Variants in ARID1A observed in about 807,000 individuals in gnomAD.
ARID1A encodes the protein AT-rich interactive domain-containing protein 1A.
In ARID1A, 20 loss-of-function variants were observed where a neutral mutation model predicts 212.6. The observed-to-expected ratio is 0.09, with a 90% CI of 0.07 to 0.14. ARID1A has a LOEUF of 0.14. ARID1A is among the 10% of genes least tolerant of loss of function. ARID1A has a pLI of 1.00. For synonymous variants in ARID1A, 1,376 were observed against 1,222.1 expected, an observed-to-expected ratio of 1.13 and a Z score of -2.63; for missense variants, 2,587 against 3,059.0, an observed-to-expected ratio of 0.85 and a Z score of 3.64.
At chr1:26,697,630 C>G (rs1359072659) in intron 1 of ARID1A, 90 bp downstream of exon 1, 12 of 1,193,658 alleles carry the variant, frequency 1.0e-5, no homozygotes, top group Non-Finnish European at 1.3e-5. Flanking sequence ...CTTGGGCTCC[C>G]CTCAGTCCCG....
At position 26,697,155 on chromosome 1, in the gene ARID1A, C is replaced by T. The variant is rs1210135390; in HGVS notation, c.752C>T (p.Pro251Leu). ...GCGGCGGCGGCTGCCGGCTCCAAGC[C>T]GCCTCCCTCCTCCAGCGCCTCCGCC... ...SGAAAAAGSK[P>L]PPSSSASASS... Residue 251 changes from proline to leucine, a missense_variant, in exon 1 of 20, where the codon CCG becomes CTG. Pro to Leu is a moderately conservative substitution (Grantham distance 98). Transcript: ENST00000324856. 4 of 1,441,730 alleles carry T rather than the reference C, an allele frequency of 2.8e-6. No homozygotes were observed. The highest frequency in any genetic ancestry group is 1.5e-5 in the South Asian group (1 of 68,590). The allele number at this position is 1,441,730 out of a possible 1,614,324, so 89.3% of individuals were successfully genotyped here.
At chr1:26,737,828 A>G (rs1015931431) in intron 4 of ARID1A, among the ~76,000 whole-genome samples, 3 of 151,408 alleles carry the variant, frequency 2.0e-5, no homozygotes, top group African/African-American at 7.3e-5. Context: ...TGGTGCCATT[A>G]CACTCCAGCC....
At chr1:26,768,200 G>A (rs571090845) in intron 11 of ARID1A, among the ~76,000 whole-genome samples, 1 of 152,274 alleles carries the variant, frequency 6.6e-6, no homozygotes, top group East Asian at 1.9e-4. Flanking sequence ...GTAGTATGAG[G>A]TATTAGCAGT....
rs528219789 is a variant in ARID1A, at chr1:26,696,620, C to T, written c.217C>T (p.Leu73=). The change falls in exon 1 of 20, where the codon CTG becomes TTG. Residue 73 remains leucine (L), a synonymous_variant. Transcript: ENST00000324856. ...VGPPQPLGKE[L]QDGAESNGGG... ...GCCGCCGCAGCCGCTGGGAAAGGAG[C>T]TGCAGGACGGGGCCGAGAGCAATGG... The T allele has an allele frequency of 4.0e-6, 5 of 1,259,710 alleles. No individual in the cohort carries two copies. In the South Asian group the frequency reaches 9.5e-5, roughly 24 times the overall value. 78.0% of individuals were successfully genotyped at this position (1,259,710 alleles called of 1,614,324 possible). A position where few individuals can be genotyped will look rare whatever the true frequency, so the allele number is the denominator to read the frequency against.
chr1:26,744,745 C>T (rs764031740), intron 4 of ARID1A, among the ~76,000 whole-genome samples: 4 of 152,138 alleles, frequency 2.6e-5, no homozygotes, highest in Non-Finnish European at 4.4e-5. Flanking sequence ...CCATCCTCAG[C>T]AGAATAACAG....
chr1:26,744,383 G>A lies in ARID1A; in HGVS notation c.1920+11591G>A, dbSNP rs563108397. Among the ~76,000 whole-genome samples, 37 of 152,208 alleles carry A rather than the reference G, an allele frequency of 2.4e-4. 1 individual carries two copies. In the South Asian group the frequency reaches 5.8e-3, roughly 24 times the overall value. On this transcript the variant is annotated intron_variant, in intron 4 of 19. Transcript: ENST00000324856. The stretch of plus-strand genomic sequence containing the variant: ...CTTGCTGGAACCTTTTGTTTCCTTC[G>A]GAACAGCCTCAATCTTTGAAAAGCA...
At position 26,731,257 on chromosome 1, in the gene ARID1A, T is replaced by G. The variant is rs1461477042; in HGVS notation, c.1456T>G (p.Ser486Ala). The G allele has an allele frequency of 6.2e-7, 1 of 1,613,336 alleles. No individual in the cohort carries two copies. Among genetic ancestry groups the G allele is most frequent in the Non-Finnish European group, 8.5e-7 (1 of 1,179,862 alleles). ...PHPQQQQPPY[S>A]QQPPSQTPHA... ...CCCTCAGCAGCAGCAGCCACCCTACTCCCAGCAACCACCGTCCCAGACCCC... is the reference window on the plus strand; with the variant it reads ...CCCTCAGCAGCAGCAGCCACCCTACGCCCAGCAACCACCGTCCCAGACCCC... Residue 486 changes from serine to alanine, a missense_variant, in exon 3 of 20, where the codon TCC becomes GCC. By Grantham distance (99) the Ser-to-Ala change is moderately conservative. Around this residue, in one of 11 missense-constraint regions of ARID1A, gnomAD observed 674 missense variants for 813.4 expected, o/e 0.83. Coordinates refer to ENST00000324856, the MANE Select transcript of ARID1A (RefSeq NM_006015.6).
chr1:26,754,188 CA>C (rs1227497242), intron 4 of ARID1A, among the ~76,000 whole-genome samples: 3 of 152,178 alleles, frequency 2.0e-5, no homozygotes, highest in Non-Finnish European at 4.4e-5. Context: ...AACAATCAGA[CA>C]TCTGGCTTTT....
chr1:26,726,433 C>G (rs984680232), intron 1 of ARID1A, among the ~76,000 whole-genome samples: 1 of 152,080 alleles, frequency 6.6e-6, no homozygotes, highest in Non-Finnish European at 1.5e-5. Context: ...CCTTGGCCTC[C>G]CAAAGTGCTG....
chr1:26,696,566 G>C lies in ARID1A; in HGVS notation c.163G>C (p.Gly55Arg). ...GCGCGGGGAAATGAAGGCAGCCGCC[G>C]GGCAGGAAAGCGAGGGCCCCGCCGT... is the stretch of plus-strand genomic sequence containing the variant. The part of the protein sequence containing the change: ...AERGEMKAAA[G>R]QESEGPAVGP... Residue 55 changes from glycine to arginine, a missense_variant, in exon 1 of 20, where the codon GGG (glycine) becomes CGG (arginine). By Grantham distance (125) the Gly-to-Arg change is moderately radical. This residue lies in a region of ARID1A where 735 missense variants were observed against 590.6 expected (regional missense o/e 1.24). Transcript: ENST00000324856. 1 of 1,228,334 alleles carries C rather than the reference G, an allele frequency of 8.1e-7. No individual in the cohort carries two copies. Among genetic ancestry groups the C allele is most frequent in the Non-Finnish European group, 1.0e-6 (1 of 988,354 alleles). 76.1% of individuals were successfully genotyped at this position (1,228,334 alleles called of 1,614,324 possible).
intron 1 of ARID1A, among the ~76,000 whole-genome samples, chr1:26,722,492 G>T (rs35041418): frequency 6.6e-6 from 1 of 152,158 alleles, no homozygotes; most frequent in Non-Finnish European, 1.5e-5. Context: ...GCGATCTGCC[G>T]CCTTGGCCAC....
intron 4 of ARID1A, among the ~76,000 whole-genome samples, chr1:26,738,196 G>C (rs757239366): frequency 2.3e-4 from 35 of 152,000 alleles, no homozygotes; most frequent in Non-Finnish European, 5.0e-4. Flanking sequence ...GCTAATTTTT[G>C]TATTTTTAAT....
chr1:26,756,887 AAAGACGGGG>A (rs1319816741), intron 4 of ARID1A, among the ~76,000 whole-genome samples: 2 of 151,824 alleles, frequency 1.3e-5, no homozygotes, highest in Non-Finnish European at 2.9e-5. Flanking sequence ...TATTTTTAGT[AAAGACGGGG>A]TTTCACCGTG....
chr1:26,746,268 T>C (rs965707951), intron 4 of ARID1A, among the ~76,000 whole-genome samples: 1 of 152,240 alleles, frequency 6.6e-6, no homozygotes, highest in African/African-American at 2.4e-5. Flanking sequence ...AAAACTAGAA[T>C]GTCCTGATAT....
rs2124741089 is a variant in ARID1A at position 26,696,676 on chromosome 1, C to T, written c.273C>T (p.Gly91=). The T allele has an allele frequency of 2.3e-6, 3 of 1,323,708 alleles. No individual in the cohort carries two copies. Among genetic ancestry groups the T allele is most frequent in the Non-Finnish European group, 2.9e-6 (3 of 1,039,006 alleles). The allele number at this position is 1,323,708 out of a possible 1,614,324, so 82.0% of individuals were successfully genotyped here. A position where few individuals can be genotyped will look rare whatever the true frequency, so the allele number is the denominator to read the frequency against. ...GCGGCGGCGGCGGAGCCGGCAGCGG[C>T]GGCGGGCCCGGCGCGGAGCCGGACC... ...GGGGGGGAGS[G]GGPGAEPDLK... is the part of the protein sequence containing the mutation. The change falls in exon 1 of 20, where the codon GGC becomes GGT. Residue 91 remains glycine (G), a synonymous_variant. Transcript: ENST00000324856.
intron 10 of ARID1A, among the ~76,000 whole-genome samples, chr1:26,767,389 G>T (rs2081048663): frequency 6.6e-6 from 1 of 152,200 alleles, no homozygotes; most frequent in African/African-American, 2.4e-5. Flanking sequence ...GTATGTTCAG[G>T]CTCCTGGGTA....
At chr1:26,699,706 C>T (rs747659129) in intron 1 of ARID1A, among the ~76,000 whole-genome samples, 2 of 152,248 alleles carry the variant, frequency 1.3e-5, no homozygotes, top group Admixed American at 6.5e-5. Context: ...CTCTCATTCC[C>T]CTTGTTTTGT....
intron 1 of ARID1A, among the ~76,000 whole-genome samples, chr1:26,714,667 T>G (rs1169649275): frequency 6.6e-6 from 1 of 152,028 alleles, no homozygotes; most frequent in Non-Finnish European, 1.5e-5. Flanking sequence ...CACCTGCCTC[T>G]GCCTCCCAAA....
At chr1:26,763,504 G>A (rs956481722) in intron 8 of ARID1A, among the ~76,000 whole-genome samples, 8 of 152,202 alleles carry the variant, frequency 5.3e-5, no homozygotes, top group East Asian at 1.9e-4. Context: ...CGGGCGTGGC[G>A]GCTCATGCCT....
Sources: gnomAD v4.1 joint callset for allele counts (sites outside exome capture counted in the v4.1 genomes callset) on GRCh38, gnomAD v4.1.1 for gene constraint, gnomAD v4.1.1 regional missense constraint, MANE v1.5 for transcripts, NCBI Gene and HGNC (gene_info 2026-07-23, HGNC 2026-07-21) for gene names.